Variants in ADAMTSL1 observed in about 807,000 individuals in gnomAD.
The protein encoded by ADAMTSL1 is ADAMTS like 1.
A neutral mutation model predicts 201.8 loss-of-function variants in ADAMTSL1; 126 were observed. The ratio of observed to expected loss-of-function variants is 0.62; its 90% CI spans 0.54 to 0.72. ADAMTSL1 has a LOEUF of 0.72. Among genes scored for constraint, ADAMTSL1 ranks in the 30% least tolerant of loss-of-function variants. The pLI is 0.00. For missense variants in ADAMTSL1, 2,679 were observed against 2,277.8 expected (o/e 1.18, Z -3.59); for synonymous variants, 1,121 against 903.4 (o/e 1.24, Z -4.32).
chr9:18,054,951 G>C (rs991261033), intron 1 of ADAMTSL1, among the ~76,000 whole-genome samples: 1 of 152,140 alleles, frequency 6.6e-6, no homozygotes, highest in African/African-American at 2.4e-5. Context: ...TAGAAGGCCA[G>C]TTATTTTGAC....
At chr9:18,203,158 G>A (rs1213151665) in intron 2 of ADAMTSL1, among the ~76,000 whole-genome samples, 1 of 152,064 alleles carries the variant, frequency 6.6e-6, no homozygotes, top group Non-Finnish European at 1.5e-5. Flanking sequence ...ATACAAAGAG[G>A]ACAGTAAGCT....
At chr9:18,321,688 G>C (rs576890251) in intron 2 of ADAMTSL1, among the ~76,000 whole-genome samples, 14 of 152,186 alleles carry the variant, frequency 9.2e-5, no homozygotes, top group South Asian at 4.1e-4. Context: ...AGTTACTTGG[G>C]ATGCTGAGGC....
chr9:18,499,398 A>G (rs1387380984), intron 1 of ADAMTSL1, among the ~76,000 whole-genome samples: 1 of 152,276 alleles, frequency 6.6e-6, no homozygotes, highest in East Asian at 1.9e-4. Flanking sequence ...CGGCAGAACC[A>G]GTATTCCAAG....
intron 2 of ADAMTSL1, among the ~76,000 whole-genome samples, chr9:18,398,332 G>T (rs1817831780): frequency 6.6e-6 from 1 of 152,074 alleles, no homozygotes; most frequent in Non-Finnish European, 1.5e-5. Context: ...AACTTAAAAT[G>T]TTTTTGTTTA....
At chr9:17,946,940 A>C (rs1385015052) in intron 1 of ADAMTSL1, among the ~76,000 whole-genome samples, 1 of 152,130 alleles carries the variant, frequency 6.6e-6, no homozygotes, top group Non-Finnish European at 1.5e-5. Flanking sequence ...GTACAAAAAC[A>C]GATCAATACC....
chr9:18,311,188 A>G (rs529357467), intron 2 of ADAMTSL1, among the ~76,000 whole-genome samples: 8 of 151,960 alleles, frequency 5.3e-5, no homozygotes, highest in East Asian at 1.9e-4. Flanking sequence ...GGAACATCAC[A>G]TACTGAGGCC....
rs569887218 is a variant in ADAMTSL1, at chr9:18,610,182, A to T, written c.475-12061A>T. Among the ~76,000 whole-genome samples, 4 of 152,254 alleles carry T rather than the reference A, an allele frequency of 2.6e-5. No individual in the cohort carries two copies. The East Asian group carries it at 7.7e-4, about 29-fold the overall frequency. The stretch of plus-strand genomic sequence containing the variant: ...GGTAAATATACCTTTAGCAATTGTA[A>T]AGTTTATGGTAGAACTGGGGGTCAT... On this transcript the variant is annotated intron_variant, in intron 4 of 28. Transcript: ENST00000380548.
intron 21 of ADAMTSL1, among the ~76,000 whole-genome samples, chr9:18,825,563 G>A (rs886091968): frequency 5.3e-5 from 8 of 152,134 alleles, no homozygotes; most frequent in East Asian, 1.9e-4. Flanking sequence ...ATATTTTAAC[G>A]TTGTATAGCT....
At chr9:18,888,707 G>A (rs777410679) in intron 24 of ADAMTSL1, among the ~76,000 whole-genome samples, 5 of 152,262 alleles carry the variant, frequency 3.3e-5, no homozygotes, top group South Asian at 4.2e-4. Flanking sequence ...AGGCTTGTTC[G>A]ACCTGTGGCC....
intron 5 of ADAMTSL1, among the ~76,000 whole-genome samples, chr9:18,627,918 T>C (rs1235554344): frequency 6.6e-6 from 1 of 152,226 alleles, no homozygotes; most frequent in Non-Finnish European, 1.5e-5. Context: ...AGTTCAAGTC[T>C]GTTGCTCATT....
At chr9:18,067,743 T>G (rs1822773315) in intron 1 of ADAMTSL1, among the ~76,000 whole-genome samples, 1 of 152,078 alleles carries the variant, frequency 6.6e-6, no homozygotes, top group East Asian at 1.9e-4. Flanking sequence ...CTGGAGGCGG[T>G]GATTAAAAGC....
At chr9:18,271,932 A>G (rs1832386003) in intron 2 of ADAMTSL1, among the ~76,000 whole-genome samples, 1 of 151,830 alleles carries the variant, frequency 6.6e-6, no homozygotes, top group African/African-American at 2.4e-5. Flanking sequence ...GCCAGTGATG[A>G]TGAGCATTTT....
intron 23 of ADAMTSL1, among the ~76,000 whole-genome samples, chr9:18,843,369 C>G (rs1455464045): frequency 1.3e-5 from 2 of 151,032 alleles, no homozygotes; most frequent in Non-Finnish European, 2.9e-5. Context: ...GGTCCCCCCT[C>G]TCTTCTGGCT....
intron 1 of ADAMTSL1, among the ~76,000 whole-genome samples, chr9:17,962,422 C>T (rs1817791889): frequency 6.6e-6 from 1 of 152,074 alleles, no homozygotes; most frequent in African/African-American, 2.4e-5. Flanking sequence ...GAAAATAAGC[C>T]CTAGTTAGAG....
At chr9:18,908,323 C>A in intron 28 of ADAMTSL1, 119 bp from the exon 29 acceptor site, 1 of 836,024 alleles carries the variant, frequency 1.2e-6, no homozygotes, top group Non-Finnish European at 2.0e-6. Flanking sequence ...CCAAGGCAGA[C>A]CCCAGGATGT....
At chr9:18,721,843 T>C (rs1294492899) in intron 15 of ADAMTSL1, among the ~76,000 whole-genome samples, 178 bp downstream of exon 15, 5 of 152,260 alleles carry the variant, frequency 3.3e-5, no homozygotes, top group Non-Finnish European at 5.9e-5. Context: ...TTTGGAATTC[T>C]AGCCCAGTCA....
At chr9:18,602,568 G>C (rs1321029757) in intron 4 of ADAMTSL1, among the ~76,000 whole-genome samples, 1 of 152,106 alleles carries the variant, frequency 6.6e-6, no homozygotes, top group African/African-American at 2.4e-5. Context: ...TTGTTCCAGG[G>C]TATTGCTGCC....
At chr9:18,058,400 T>C (rs889384026) in intron 1 of ADAMTSL1, among the ~76,000 whole-genome samples, 2 of 152,214 alleles carry the variant, frequency 1.3e-5, no homozygotes, top group Non-Finnish European at 2.9e-5. Flanking sequence ...ATAACTGCCA[T>C]GTTCGCTTTA....
intron 2 of ADAMTSL1, among the ~76,000 whole-genome samples, chr9:18,453,474 T>C (rs1365109087): frequency 6.6e-6 from 1 of 152,216 alleles, no homozygotes; most frequent in African/African-American, 2.4e-5. Context: ...TGGTTTGTCA[T>C]CTGAACATGC....
Sources: gnomAD v4.1 joint callset for allele counts (sites outside exome capture counted in the v4.1 genomes callset) on GRCh38, gnomAD v4.1.1 for gene constraint, MANE v1.5 for transcripts, NCBI Gene and HGNC (gene_info 2026-07-23, HGNC 2026-07-21) for gene names.